Variants in OLA1 observed in about 807,000 individuals in gnomAD.
The protein encoded by OLA1 is obg-like ATPase 1.
In OLA1, 14 loss-of-function variants were observed where a neutral mutation model predicts 48.4. The ratio of observed to expected loss-of-function variants is 0.29; its 90% CI spans 0.19 to 0.45. OLA1 has a LOEUF of 0.45. Among genes scored for constraint, OLA1 ranks in the 20% least tolerant of loss-of-function variants. The pLI is 1.00. For missense variants in OLA1, 325 were observed against 467.1 expected (o/e 0.70, Z 2.80); for synonymous variants, 127 against 150.4 (o/e 0.84, Z 1.14).
intron 4 of OLA1, among the ~76,000 whole-genome samples, chr2:174,144,930 T>TAAAAAAAAAAAAA (rs71021671): frequency 2.9e-4 from 12 of 41,116 alleles, no homozygotes; most frequent in South Asian, 1.9e-3. Flanking sequence ...AGACCCTGTT[T>TAAAAAAAAAAAAA]AAAAAAAAAA....
At chr2:174,113,806 A>C (rs1352278106) in intron 7 of OLA1, among the ~76,000 whole-genome samples, 2 of 152,194 alleles carry the variant, frequency 1.3e-5, no homozygotes, top group Non-Finnish European at 2.9e-5. Flanking sequence ...GAACAGTCGC[A>C]TTCAGGTCAA....
At chr2:174,108,033 A>G (rs1443559195) in intron 7 of OLA1, among the ~76,000 whole-genome samples, 1 of 152,120 alleles carries the variant, frequency 6.6e-6, no homozygotes, top group Non-Finnish European at 1.5e-5. Context: ...ATTTCTACCT[A>G]TCATCCTTTG....
intron 4 of OLA1, among the ~76,000 whole-genome samples, chr2:174,183,974 T>G (rs1214918318): frequency 1.3e-5 from 2 of 152,142 alleles, no homozygotes; most frequent in East Asian, 3.8e-4. Flanking sequence ...TTTCATTTCT[T>G]CCTCTCCTGT....
intron 4 of OLA1, among the ~76,000 whole-genome samples, chr2:174,146,225 TC>T (rs1218393046): frequency 2.0e-5 from 3 of 152,200 alleles, no homozygotes; most frequent in African/African-American, 7.2e-5. Flanking sequence ...TTGGATTTAT[TC>T]TAGCTGTAAT....
At chr2:174,095,925 C>T (rs1402368545) in intron 7 of OLA1, among the ~76,000 whole-genome samples, 3 of 151,666 alleles carry the variant, frequency 2.0e-5, no homozygotes, top group Non-Finnish European at 4.4e-5. Flanking sequence ...TATTATATAG[C>T]AATAAACATA....
intron 4 of OLA1, among the ~76,000 whole-genome samples, chr2:174,174,038 A>C (rs1339280452): frequency 0.16 from 6,304 of 39,264 alleles, 118 homozygotes; most frequent in East Asian, 0.4. Context: ...ACACACACAA[A>C]AAAAAAAAAA....
At chr2:174,174,679 A>T (rs968137697) in intron 4 of OLA1, among the ~76,000 whole-genome samples, 2 of 152,058 alleles carry the variant, frequency 1.3e-5, no homozygotes, top group African/African-American at 4.8e-5. Context: ...AAATTTAAAA[A>T]TTTAATCGCC....
At chr2:174,238,416 C>T (rs1688909666) in intron 2 of OLA1, among the ~76,000 whole-genome samples, 1 of 150,026 alleles carries the variant, frequency 6.7e-6, no homozygotes, top group African/African-American at 2.5e-5. Context: ...ATCACTTGAA[C>T]CCAGGAGGTG....
chr2:174,103,643 G>A (rs1012552363), intron 7 of OLA1, among the ~76,000 whole-genome samples: 3 of 152,140 alleles, frequency 2.0e-5, no homozygotes, highest in African/African-American at 4.8e-5. Context: ...TACATTCAAT[G>A]GATTTCATCC....
At chr2:174,139,672 C>T (rs1652066694) in intron 5 of OLA1, among the ~76,000 whole-genome samples, 1 of 152,100 alleles carries the variant, frequency 6.6e-6, no homozygotes, top group Non-Finnish European at 1.5e-5. Flanking sequence ...TGACACCAGC[C>T]TGGCCAATAC....
At chr2:174,205,927 C>T (rs752106931) in intron 4 of OLA1, among the ~76,000 whole-genome samples, 3 of 152,184 alleles carry the variant, frequency 2.0e-5, no homozygotes, top group Non-Finnish European at 4.4e-5. Flanking sequence ...AGCCCTATAG[C>T]CCTGCCTTTC....
At chr2:174,110,091 ATTTTTT>A (rs199583094) in intron 7 of OLA1, among the ~76,000 whole-genome samples, 1 of 111,018 alleles carries the variant, frequency 9.0e-6, no homozygotes, top group East Asian at 3.2e-4. Flanking sequence ...TTTGCTAAGG[ATTTTTT>A]TTTTTTTTTT....
Position 174,074,792 on chromosome 2 carries a change from AAATT to A in OLA1, c.*630_*633del, listed in dbSNP as rs1387321515. 1 of 152,604 alleles carries A rather than the reference AAATT, an allele frequency of 6.6e-6. No individual in the cohort carries two copies. The highest frequency in any genetic ancestry group is 1.5e-5 in the Non-Finnish European group (1 of 68,044). The allele number at this position is 152,604 out of a possible 1,614,324, so 9.5% of individuals were successfully genotyped here. ...CATCTTTCAATAAATGTTGATCTAT[AAATT>A]AATTAACTTTTTTGAGACAAATCCC... On this transcript the variant is annotated 3_prime_UTR_variant, in exon 11 of 11. Coordinates refer to ENST00000284719, the MANE Select transcript of OLA1 (RefSeq NM_013341.5).
chr2:174,246,705 G>A lies in OLA1; in HGVS notation c.101+10C>T, dbSNP rs1362436066. ...AAATGAAAATCACAAAAGCCCCAAC[G>A]TTCACCTACCCAACATTTGGCAATC... On this transcript the variant is annotated intron_variant, in intron 2 of 10. Transcript: ENST00000284719. 3.9e-6 allele frequency: 6 copies of A among 1,554,224 alleles called. No individual in the cohort carries two copies. The highest frequency in any genetic ancestry group is 1.7e-5 in the Admixed American group (1 of 59,392).
intron 4 of OLA1, among the ~76,000 whole-genome samples, chr2:174,208,544 C>T (rs778466830): frequency 1.3e-5 from 2 of 152,120 alleles, no homozygotes; most frequent in South Asian, 2.1e-4. Flanking sequence ...TCAAATTCGG[C>T]GTTAAAGCTT....
intron 4 of OLA1, among the ~76,000 whole-genome samples, chr2:174,184,271 C>G (rs1256543336): frequency 6.6e-6 from 1 of 152,114 alleles, no homozygotes; most frequent in Non-Finnish European, 1.5e-5. Flanking sequence ...ACCAACATTA[C>G]CTTAACCAAG....
chr2:174,224,831 C>G (rs995914752), intron 3 of OLA1, among the ~76,000 whole-genome samples: 1 of 152,138 alleles, frequency 6.6e-6, no homozygotes, highest in African/African-American at 2.4e-5. Flanking sequence ...GGGAAAGAAG[C>G]CAGGCCTTTG....
chr2:174,175,523 G>C (rs1041836147), intron 4 of OLA1, among the ~76,000 whole-genome samples: 2 of 151,458 alleles, frequency 1.3e-5, no homozygotes, highest in African/African-American at 4.8e-5. Flanking sequence ...AGAAATGAAA[G>C]CCACAATATT....
At chr2:174,170,759 C>A (rs975538530) in intron 4 of OLA1, among the ~76,000 whole-genome samples, 1 of 152,074 alleles carries the variant, frequency 6.6e-6, no homozygotes, top group Non-Finnish European at 1.5e-5. Context: ...AAAAAATTAG[C>A]CAGGCATGGT....
Sources: gnomAD v4.1 joint callset for allele counts (sites outside exome capture counted in the v4.1 genomes callset) on GRCh38, gnomAD v4.1.1 for gene constraint, MANE v1.5 for transcripts, NCBI Gene and HGNC (gene_info 2026-07-23, HGNC 2026-07-21) for gene names.